The following SLC25A36 variants were observed in gnomAD, a reference collection of about 807,000 sequenced individuals.
SLC25A36 encodes the protein solute carrier family 25 member 36.
A neutral mutation model predicts 35.3 loss-of-function variants in SLC25A36; 24 were observed. That is an observed-to-expected ratio of 0.68 (90% CI 0.49 to 0.96). SLC25A36 has a LOEUF of 0.96. Among genes scored for constraint, SLC25A36 ranks in the 40% least tolerant of loss-of-function variants. The pLI, the probability that SLC25A36 is intolerant of heterozygous loss-of-function variation, is 0.00. For missense variants in SLC25A36, 294 were observed against 381.1 expected (o/e 0.77, Z 1.90); for synonymous variants, 141 against 132.2 (o/e 1.07, Z -0.46).
In SLC25A36 at chr3:140,980,703, C is replaced by G. The variant is rs369826348; in HGVS notation, c.*4250C>G. On this transcript the variant is annotated 3_prime_UTR_variant, in exon 7 of 7. Transcript: ENST00000324194. The stretch of plus-strand genomic sequence containing the variant: ...ATTAAATGTTCCCCCTGCCCCCCCC[C>G]CCTTTTAATATATATACACGGAGCT... Among the ~76,000 whole-genome samples the G allele has an allele frequency of 2.0e-5, 1 of 50,506 alleles. No individual in the cohort carries two copies. The highest frequency in any genetic ancestry group is 8.8e-4 in the East Asian group (1 of 1,140). 33.1% of individuals were successfully genotyped at this position (50,506 alleles called of 152,430 possible).
intron 5 of SLC25A36, 59 bp downstream of exon 5, chr3:140,971,052 CAA>C: frequency 1.3e-6 from 1 of 752,720 alleles, no homozygotes; most frequent in Non-Finnish European, 2.4e-6. Flanking sequence ...TTTTTTTCTA[CAA>C]AGTTTTTCTT....
At chr3:140,967,105 C>A (rs533889808) in intron 4 of SLC25A36, 2 of 450,826 alleles carry the variant, frequency 4.4e-6, no homozygotes, top group East Asian at 1.4e-4. Flanking sequence ...TTTATGATAG[C>A]TGTGGAATTA....
intron 1 of SLC25A36, among the ~76,000 whole-genome samples, chr3:140,949,752 G>C (rs1012489186): frequency 6.6e-6 from 1 of 152,176 alleles, no homozygotes; most frequent in African/African-American, 2.4e-5. Flanking sequence ...TGGCTATTCT[G>C]TCTTTGGAAT....
rs61336552 is a variant in SLC25A36, at chr3:140,975,551, T to A, written c.743-709T>A. Among the ~76,000 whole-genome samples, 489 of 152,250 alleles carry A rather than the reference T, an allele frequency of 3.2e-3. 18 individuals are homozygous for A. In the East Asian group the frequency reaches 0.087, roughly 27 times the overall value. ...TGTGCTGAAAAAATTTGAGGAATAG[T>A]GGATGTAAAAAAAAGTAGTTACATA... On this transcript the variant is annotated intron_variant, in intron 6 of 6. Coordinates refer to ENST00000324194, the MANE Select transcript of SLC25A36 (RefSeq NM_001104647.3).
At chr3:140,965,825 G>A (rs1934744077) in intron 4 of SLC25A36, 1 of 151,430 alleles carries the variant, frequency 6.6e-6, no homozygotes, top group Non-Finnish European at 1.5e-5. Flanking sequence ...CTCAGCTATT[G>A]AGGGTATCTG....
At chr3:140,949,475 A>G (rs1254864399) in intron 1 of SLC25A36, among the ~76,000 whole-genome samples, 8 of 152,240 alleles carry the variant, frequency 5.3e-5, no homozygotes, top group East Asian at 1.9e-4. Flanking sequence ...TAAGATCAAT[A>G]CATAGCTATG....
intron 6 of SLC25A36, among the ~76,000 whole-genome samples, chr3:140,974,715 A>G (rs555940611): frequency 7.9e-5 from 12 of 151,990 alleles, no homozygotes; most frequent in African/African-American, 2.7e-4. Context: ...CATGTTTAAG[A>G]TTTGTTTTTT....
intron 1 of SLC25A36, among the ~76,000 whole-genome samples, chr3:140,955,090 A>G (rs1217436897): frequency 6.6e-6 from 1 of 152,028 alleles, no homozygotes; most frequent in Non-Finnish European, 1.5e-5. Context: ...GTTTTGTTGC[A>G]TAAGTTTTTC....
chr3:140,949,198 A>T (rs555375373), intron 1 of SLC25A36, among the ~76,000 whole-genome samples: 2 of 152,284 alleles, frequency 1.3e-5, no homozygotes, highest in South Asian at 4.2e-4. Context: ...AGGTAGCTAG[A>T]CCCCCTGGCA....
chr3:140,965,327 A>G (rs1218890614), intron 4 of SLC25A36: 1 of 151,736 alleles, frequency 6.6e-6, no homozygotes, highest in Non-Finnish European at 1.5e-5. Context: ...ATTTGGGGGT[A>G]TGAAGTACTT....
rs996742464 is a variant in SLC25A36 at position 140,978,090 on chromosome 3, G to A, written c.*1637G>A. On this transcript the variant is annotated 3_prime_UTR_variant, in exon 7 of 7. Coordinates refer to ENST00000324194, the MANE Select transcript of SLC25A36 (RefSeq NM_001104647.3). ...CCAACATTATAGAATATTGCAGCGT[G>A]TCATTGCAAGCTTTCTCTGCTGTCA... The A allele has an allele frequency of 5.3e-5, 8 of 152,054 alleles. No individual in the cohort carries two copies. Among genetic ancestry groups the A allele is most frequent in the African/African-American group, 1.9e-4 (8 of 41,406 alleles). The allele number at this position is 152,054 out of a possible 1,614,324, so 9.4% of individuals were successfully genotyped here.
At chr3:140,963,311 T>C in intron 4 of SLC25A36, 84 bp downstream of exon 4, 5 of 854,524 alleles carry the variant, frequency 5.9e-6, no homozygotes, top group Non-Finnish European at 8.7e-6. Context: ...TAGTGAAAAG[T>C]TGATGATTAA....
At position 140,979,929 on chromosome 3, in the gene SLC25A36, G is replaced by T. The variant is rs539992698; in HGVS notation, c.*3476G>T. 2 of 152,200 alleles carry T rather than the reference G, an allele frequency of 1.3e-5. No individual in the cohort carries two copies. Among genetic ancestry groups the T allele is most frequent in the African/African-American group, 4.8e-5 (2 of 41,546 alleles). 9.4% of individuals were successfully genotyped at this position (152,200 alleles called of 1,614,324 possible). On this transcript the variant is annotated 3_prime_UTR_variant, in exon 7 of 7. Coordinates refer to ENST00000324194, the MANE Select transcript of SLC25A36 (RefSeq NM_001104647.3). Reference sequence around the variant, plus strand: ...GTTCAAATTTTAAAAATTAAAATACGCTCATGAAAATATGGCTTTTTCTGT... The same window carrying T: ...GTTCAAATTTTAAAAATTAAAATACTCTCATGAAAATATGGCTTTTTCTGT...
intron 3 of SLC25A36, 48 bp downstream of exon 3, chr3:140,959,588 T>C: frequency 1.1e-6 from 1 of 893,440 alleles, no homozygotes; most frequent in East Asian, 3.3e-5. Flanking sequence ...CAATCTCTTT[T>C]GTTTCAGCAC....
intron 5 of SLC25A36, 57 bp downstream of exon 5, chr3:140,971,050 T>A: frequency 2.6e-6 from 2 of 771,092 alleles, no homozygotes; most frequent in Non-Finnish European, 4.6e-6. Context: ...ATTTTTTTTC[T>A]ACAAAGTTTT....
intron 3 of SLC25A36, among the ~76,000 whole-genome samples, 181 bp from the exon 4 acceptor site, chr3:140,962,946 G>C (rs1934667711): frequency 6.6e-6 from 1 of 151,814 alleles, no homozygotes; most frequent in Non-Finnish European, 1.5e-5. Context: ...TTATTTTAAT[G>C]AGTCAATACA....
chr3:140,943,978 T>C (rs1178267552), intron 1 of SLC25A36, among the ~76,000 whole-genome samples: 2 of 126,606 alleles, frequency 1.6e-5, no homozygotes, highest in African/African-American at 4.5e-5. Context: ...CTAGCATATG[T>C]AGTTAGAGTA....
At chr3:140,957,037 A>G (rs933678589) in intron 2 of SLC25A36, 2 of 164,168 alleles carry the variant, frequency 1.2e-5, no homozygotes, top group Admixed American at 6.4e-5. Flanking sequence ...TATATTTTTA[A>G]TGTTCCAAGT....
chr3:140,979,567 AATAC>A lies in SLC25A36; in HGVS notation c.*3118_*3121del, dbSNP rs1226431333. 6.6e-6 allele frequency: 1 copy of A among 152,146 alleles called. No individual in the cohort carries two copies. The highest frequency in any genetic ancestry group is 1.5e-5 in the Non-Finnish European group (1 of 68,006). 9.4% of individuals were successfully genotyped at this position (152,146 alleles called of 1,614,324 possible). On this transcript the variant is annotated 3_prime_UTR_variant, in exon 7 of 7. Coordinates refer to ENST00000324194, the MANE Select transcript of SLC25A36 (RefSeq NM_001104647.3). ...GAATGATTTAAATTTGAGGAATTTT[AATAC>A]ATAAAATACAATGTACAAACTTTCT...
Sources: allele counts gnomAD v4.1 joint callset (sites outside exome capture counted in the v4.1 genomes callset), GRCh38; gene constraint gnomAD v4.1.1; transcripts MANE v1.5; gene names NCBI Gene and HGNC (gene_info 2026-07-23, HGNC 2026-07-21).